The following SLC49A4 variants were observed in gnomAD, a reference collection of about 807,000 sequenced individuals.
SLC49A4 encodes solute carrier family 49 member 4, also known as disrupted in renal cancer protein 2.
A neutral mutation model predicts 50.6 loss-of-function variants in SLC49A4; 36 were observed. That is an observed-to-expected ratio of 0.71 (90% CI 0.55 to 0.94). The LOEUF (loss-of-function observed/expected upper bound fraction) is 0.94, where lower values mean the gene tolerates loss of function less well. Ranked by LOEUF, SLC49A4 falls within the 40% of genes least tolerant of loss-of-function variation. The pLI, the probability that SLC49A4 is intolerant of heterozygous loss-of-function variation, is 0.00. For synonymous variants in SLC49A4, 248 were observed against 241.2 expected (o/e 1.03, Z -0.26); for missense variants, 503 against 605.7 (o/e 0.83, Z 1.78).
At chr3:122,810,562 G>A (rs138197100) in intron 2 of SLC49A4, among the ~76,000 whole-genome samples, 20 of 152,238 alleles carry the variant, frequency 1.3e-4, no homozygotes, top group East Asian at 5.8e-4. Context: ...AGTGATTCCT[G>A]TAACACATGC....
At chr3:122,839,465 G>A (rs940388545) in intron 4 of SLC49A4, among the ~76,000 whole-genome samples, 3 of 152,014 alleles carry the variant, frequency 2.0e-5, no homozygotes, top group Admixed American at 2.0e-4. Flanking sequence ...CACAGAATGG[G>A]CGAAAATATT....
intron 4 of SLC49A4, among the ~76,000 whole-genome samples, chr3:122,837,715 T>G (rs1440489765): frequency 1.3e-5 from 2 of 151,730 alleles, no homozygotes; most frequent in Non-Finnish European, 2.9e-5. Flanking sequence ...ACAAATGGGA[T>G]CTAATTAAAC....
intron 6 of SLC49A4, among the ~76,000 whole-genome samples, chr3:122,856,808 GC>G (rs1331031531): frequency 1.3e-5 from 2 of 149,502 alleles, no homozygotes; most frequent in African/African-American, 4.9e-5. Context: ...CTGCTCTCCA[GC>G]CTGGGCAATA....
At chr3:122,870,276 T>G (rs991595081) in intron 7 of SLC49A4, among the ~76,000 whole-genome samples, 6 of 152,058 alleles carry the variant, frequency 3.9e-5, no homozygotes, top group African/African-American at 1.4e-4. Context: ...TTTCTTGTTT[T>G]AAACTCTTAG....
intron 8 of SLC49A4, among the ~76,000 whole-genome samples, chr3:122,875,234 C>T (rs1166997489): frequency 1.3e-5 from 2 of 152,182 alleles, no homozygotes; most frequent in Non-Finnish European, 2.9e-5. Context: ...ACTGAACCCC[C>T]TTCCATTAAA....
chr3:122,817,195 A>G (rs1045722731), intron 2 of SLC49A4, among the ~76,000 whole-genome samples: 2 of 152,236 alleles, frequency 1.3e-5, no homozygotes, highest in African/African-American at 4.8e-5. Flanking sequence ...AAGGAAAATC[A>G]TAAAGAGAAA....
intron 7 of SLC49A4, among the ~76,000 whole-genome samples, chr3:122,866,945 G>T (rs1937129293): frequency 6.6e-6 from 1 of 151,898 alleles, no homozygotes; most frequent in African/African-American, 2.4e-5. Context: ...TCTTAACACT[G>T]TGCATATAAA....
intron 8 of SLC49A4, among the ~76,000 whole-genome samples, chr3:122,877,697 A>C (rs964906307): frequency 6.6e-6 from 1 of 152,188 alleles, no homozygotes; most frequent in Non-Finnish European, 1.5e-5. Context: ...TAATACAAAC[A>C]AAATGCTATT....
At chr3:122,827,608 A>G (rs922695023) in intron 3 of SLC49A4, among the ~76,000 whole-genome samples, 3 of 152,242 alleles carry the variant, frequency 2.0e-5, no homozygotes, top group African/African-American at 4.8e-5. Flanking sequence ...TTCTAGAGTC[A>G]AGCCCTGGTC....
At chr3:122,816,363 C>T (rs1936367261) in intron 2 of SLC49A4, among the ~76,000 whole-genome samples, 1 of 152,072 alleles carries the variant, frequency 6.6e-6, no homozygotes, top group South Asian at 2.1e-4. Flanking sequence ...TTGTGCCATC[C>T]TACACTCAGT....
At chr3:122,825,607 C>T (rs1936514695) in intron 2 of SLC49A4, among the ~76,000 whole-genome samples, 1 of 150,994 alleles carries the variant, frequency 6.6e-6, no homozygotes, top group African/African-American at 2.4e-5. Context: ...ATTCAGCAAA[C>T]TTTTCTAACT....
chr3:122,834,722 C>T (rs1936654231), intron 4 of SLC49A4, among the ~76,000 whole-genome samples: 1 of 151,610 alleles, frequency 6.6e-6, no homozygotes, highest in African/African-American at 2.4e-5. Context: ...CAGAGCAGAA[C>T]TAAATAAAAT....
At chr3:122,834,984 C>T in intron 4 of SLC49A4, among the ~76,000 whole-genome samples, 1 of 152,000 alleles carries the variant, frequency 6.6e-6, no homozygotes, top group Non-Finnish European at 1.5e-5. Context: ...ACATACAACC[C>T]TCCTAGATTA....
intron 1 of SLC49A4, 25 bp downstream of exon 1, chr3:122,795,560 C>T (rs775871534): frequency 3.9e-5 from 61 of 1,568,826 alleles, no homozygotes; most frequent in Non-Finnish European, 4.9e-5. Flanking sequence ...AGCGCCAGCC[C>T]GCGCTGTCTC....
At chr3:122,800,612 C>T (rs1384810850) in intron 1 of SLC49A4, among the ~76,000 whole-genome samples, 2 of 152,108 alleles carry the variant, frequency 1.3e-5, no homozygotes, top group East Asian at 3.9e-4. Flanking sequence ...AAGGGAGGAA[C>T]TGCTGTAGCC....
rs1937321319 is a variant in SLC49A4 at position 122,880,334 on chromosome 3, A to G, written c.*956A>G. 1 of 152,284 alleles carries G rather than the reference A, an allele frequency of 6.6e-6. No individual in the cohort carries two copies. Among genetic ancestry groups the G allele is most frequent in the African/African-American group, 2.4e-5 (1 of 41,462 alleles). 9.4% of individuals were successfully genotyped at this position (152,284 alleles called of 1,614,324 possible). On this transcript the variant is annotated 3_prime_UTR_variant, in exon 9 of 9. Transcript: ENST00000261038. Reference sequence around the variant, plus strand: ...AGCTCTGTCGAATGATTTCTGAATTACATCCTGTGTTTCAGCTTAGGTTGT... The same window carrying G: ...AGCTCTGTCGAATGATTTCTGAATTGCATCCTGTGTTTCAGCTTAGGTTGT...
intron 7 of SLC49A4, among the ~76,000 whole-genome samples, chr3:122,864,845 C>A (rs982902825): frequency 1.3e-5 from 2 of 152,044 alleles, no homozygotes; most frequent in African/African-American, 2.4e-5. Flanking sequence ...GGGGCCATGT[C>A]CCTACAAAAA....
chr3:122,829,242 A>C (rs1324634470), intron 3 of SLC49A4, among the ~76,000 whole-genome samples: 1 of 152,244 alleles, frequency 6.6e-6, no homozygotes. Flanking sequence ...TACCATGACT[A>C]AATGGGATTT....
intron 1 of SLC49A4, among the ~76,000 whole-genome samples, chr3:122,795,744 T>C (rs1357543157): frequency 6.6e-6 from 1 of 152,240 alleles, no homozygotes; most frequent in Non-Finnish European, 1.5e-5. Context: ...TATTTATGTT[T>C]TTTATCAAGG....
Sources: gnomAD v4.1 joint callset for allele counts (sites outside exome capture counted in the v4.1 genomes callset) on GRCh38, gnomAD v4.1.1 for gene constraint, MANE v1.5 for transcripts, NCBI Gene and HGNC (gene_info 2026-07-23, HGNC 2026-07-21) for gene names.